COL25A1: variants seen among roughly 807,000 people sequenced by gnomAD.
COL25A1 encodes collagen alpha-1(XXV) chain.
Under a neutral mutation model 128.4 loss-of-function variants are expected in COL25A1, and 103 were observed. The ratio of observed to expected loss-of-function variants is 0.80; its 90% CI spans 0.68 to 0.94. The LOEUF is 0.94. Ranked by LOEUF, COL25A1 falls within the 40% of genes least tolerant of loss-of-function variation. COL25A1 has a pLI of 0.00. For synonymous variants in COL25A1, 279 were observed against 277.2 expected (o/e 1.01, Z -0.06); for missense variants, 745 against 840.0 (o/e 0.89, Z 1.40).
intron 3 of COL25A1, among the ~76,000 whole-genome samples, chr4:109,117,911 G>A (rs1474543129): frequency 6.6e-6 from 1 of 150,540 alleles, no homozygotes; most frequent in African/African-American, 2.4e-5. Context: ...TTTTTAAAAA[G>A]ATAAAAATAA....
chr4:108,873,568 T>TAGTAGTCGTAGC (rs528864282), intron 19 of COL25A1, among the ~76,000 whole-genome samples: 1 of 144,932 alleles, frequency 6.9e-6, no homozygotes, highest in Non-Finnish European at 1.5e-5. Context: ...GTAGCAGCAG[T>TAGTAGTCGTAGC]AGCAGCAGTA....
intron 3 of COL25A1, among the ~76,000 whole-genome samples, chr4:109,085,791 G>A (rs577147081): frequency 6.6e-6 from 1 of 152,054 alleles, no homozygotes; most frequent in South Asian, 2.1e-4. Flanking sequence ...TCTTTACACT[G>A]CTAGCACCAA....
At chr4:109,126,196 G>A (rs1322287984) in intron 3 of COL25A1, among the ~76,000 whole-genome samples, 1 of 152,056 alleles carries the variant, frequency 6.6e-6, no homozygotes, top group Non-Finnish European at 1.5e-5. Context: ...AGTAAAGCAT[G>A]CAAATGAAAA....
intron 18 of COL25A1, among the ~76,000 whole-genome samples, chr4:108,886,469 T>TTTTTTTTTTTTTTTTTTTA (rs1560806102): frequency 1.6e-5 from 2 of 122,914 alleles, no homozygotes; most frequent in African/African-American, 5.5e-5. Flanking sequence ...TGTGTGTGTG[T>TTTTTTTTTTTTTTTTTTTA]GTGTGTGTGT....
At chr4:108,996,197 C>A (rs982686424) in intron 6 of COL25A1, among the ~76,000 whole-genome samples, 1 of 151,168 alleles carries the variant, frequency 6.6e-6, no homozygotes, top group Admixed American at 6.6e-5. Context: ...AGTCAGGACC[C>A]ATCGGTGTGC....
intron 5 of COL25A1, among the ~76,000 whole-genome samples, chr4:109,026,408 T>A (rs1000945250): frequency 6.6e-6 from 1 of 152,188 alleles, no homozygotes; most frequent in African/African-American, 2.4e-5. Context: ...ATTTGTATTG[T>A]AATTGATTAA....
chr4:109,189,484 C>A (rs919768001), intron 3 of COL25A1, among the ~76,000 whole-genome samples: 7 of 132,968 alleles, frequency 5.3e-5, no homozygotes, highest in Admixed American at 8.9e-5. Context: ...GGAGGCAGAG[C>A]ATGTAGTGAG....
At chr4:109,266,269 G>A (rs533680547) in intron 3 of COL25A1, among the ~76,000 whole-genome samples, 2 of 152,172 alleles carry the variant, frequency 1.3e-5, no homozygotes, top group East Asian at 3.8e-4. Context: ...TCAGAATAAT[G>A]AATGTCAGCT....
intron 6 of COL25A1, among the ~76,000 whole-genome samples, chr4:109,000,418 A>G (rs1755231445): frequency 6.6e-6 from 1 of 152,154 alleles, no homozygotes; most frequent in Admixed American, 6.5e-5. Flanking sequence ...CTGTCTGACC[A>G]AAGTCCATGC....
intron 31 of COL25A1, 35 bp downstream of exon 31, chr4:108,841,660 C>G: frequency 1.3e-6 from 2 of 1,574,830 alleles, no homozygotes; most frequent in Non-Finnish European, 1.7e-6. Flanking sequence ...ATCAAGGAAG[C>G]AGAAATCAAA....
chr4:109,295,226 C>G (rs1442543496), intron 3 of COL25A1, among the ~76,000 whole-genome samples: 1 of 151,988 alleles, frequency 6.6e-6, no homozygotes, highest in Non-Finnish European at 1.5e-5. Context: ...AGCTAAGAAA[C>G]AAGAACATTG....
At chr4:108,893,283 A>C (rs1286267667) in intron 16 of COL25A1, among the ~76,000 whole-genome samples, 3 of 152,218 alleles carry the variant, frequency 2.0e-5, no homozygotes, top group Non-Finnish European at 2.9e-5. Context: ...AGAATTGTGA[A>C]GAGTAGAGTG....
chr4:108,845,532 A>C (rs1178404038), intron 28 of COL25A1, among the ~76,000 whole-genome samples: 1 of 152,210 alleles, frequency 6.6e-6, no homozygotes, highest in African/African-American at 2.4e-5. Flanking sequence ...TTGAGTTATA[A>C]ATGTTATATC....
Position 108,859,644 on chromosome 4 carries a change from C to T in COL25A1, c.1320+12G>A. On this transcript the variant is annotated intron_variant, in intron 24 of 37. Coordinates refer to ENST00000399132, the MANE Select transcript of COL25A1 (RefSeq NM_198721.4). ...TTCTCAGTGTGTGTCAGGGCAGGGA[C>T]CAGTCACTTGCCTGTAAGGCTTCGT... The T allele has an allele frequency of 6.2e-7, 1 of 1,611,772 alleles. No homozygotes were observed. Among genetic ancestry groups the T allele is most frequent in the South Asian group, 1.1e-5 (1 of 90,812 alleles).
intron 6 of COL25A1, among the ~76,000 whole-genome samples, chr4:108,981,450 T>C (rs529237391): frequency 6.6e-6 from 1 of 152,310 alleles, no homozygotes; most frequent in Admixed American, 6.5e-5. Flanking sequence ...AAAAAACTGA[T>C]GTAAAATCAT....
At chr4:109,237,641 A>G (rs1333671667) in intron 3 of COL25A1, among the ~76,000 whole-genome samples, 1 of 148,736 alleles carries the variant, frequency 6.7e-6, no homozygotes, top group African/African-American at 2.5e-5. Context: ...TTTTTGCTTT[A>G]AAAAATTATT....
At chr4:108,998,338 C>G (rs1754988387) in intron 6 of COL25A1, among the ~76,000 whole-genome samples, 1 of 152,046 alleles carries the variant, frequency 6.6e-6, no homozygotes, top group Non-Finnish European at 1.5e-5. Context: ...AATAGAGAGC[C>G]AAATCATGAG....
chr4:109,174,756 G>A (rs1325754791), intron 3 of COL25A1, among the ~76,000 whole-genome samples: 1 of 152,204 alleles, frequency 6.6e-6, no homozygotes, highest in Non-Finnish European at 1.5e-5. Flanking sequence ...CAACTTTATT[G>A]ACTATTGAAT....
chr4:108,996,040 C>A (rs2126020570), intron 6 of COL25A1, among the ~76,000 whole-genome samples: 1 of 152,216 alleles, frequency 6.6e-6, no homozygotes, highest in Admixed American at 6.5e-5. Context: ...ACCATCGATG[C>A]TAGGAAGAAA....
Sources: allele counts gnomAD v4.1 joint callset (sites outside exome capture counted in the v4.1 genomes callset), GRCh38; gene constraint gnomAD v4.1.1; transcripts MANE v1.5; gene names NCBI Gene and HGNC (gene_info 2026-07-23, HGNC 2026-07-21).